Variants in DNM3 observed in about 807,000 individuals in gnomAD.
DNM3 encodes the protein dynamin-3.
DNM3 carries 47 observed loss-of-function variants against 101.6 expected under a neutral mutation model. The observed-to-expected ratio is 0.46, with a 90% CI of 0.37 to 0.59. The LOEUF (loss-of-function observed/expected upper bound fraction) is 0.59. Ranked by LOEUF, DNM3 falls within the 20% of genes least tolerant of loss-of-function variation. The probability of loss-of-function intolerance (pLI) is 0.00; values close to 1 mark genes in which losing one functional copy is unlikely to be tolerated. For synonymous variants in DNM3, 385 were observed against 387.9 expected, an observed-to-expected ratio of 0.99 and a Z score of 0.09; for missense variants, 849 against 1,085.7, an observed-to-expected ratio of 0.78 and a Z score of 3.06.
chr1:172,340,011 A>G (rs1441860019), intron 17 of DNM3, among the ~76,000 whole-genome samples: 1 of 152,178 alleles, frequency 6.6e-6, no homozygotes, highest in Non-Finnish European at 1.5e-5. Flanking sequence ...ATCCAGTGCC[A>G]TCAAGAAGCT....
chr1:171,932,404 C>T (rs147847465), intron 2 of DNM3, among the ~76,000 whole-genome samples: 2 of 152,006 alleles, frequency 1.3e-5, no homozygotes, highest in Non-Finnish European at 2.9e-5. Context: ...AACAATTTAC[C>T]TGCCTTGGCT....
At chr1:172,390,096 A>C (rs1421143566) in intron 20 of DNM3, among the ~76,000 whole-genome samples, 2 of 152,214 alleles carry the variant, frequency 1.3e-5, no homozygotes, top group African/African-American at 2.4e-5. Context: ...GGTCCTAAGC[A>C]AAGAGGATAT....
chr1:172,265,249 T>TG (rs1172407095), intron 15 of DNM3, among the ~76,000 whole-genome samples: 1 of 127,360 alleles, frequency 7.9e-6, no homozygotes, highest in African/African-American at 3.8e-5. Context: ...TTTAACATCC[T>TG]TTAAAAAAAA....
At chr1:172,315,328 G>C (rs189301897) in intron 16 of DNM3, among the ~76,000 whole-genome samples, 76 of 152,314 alleles carry the variant, frequency 5.0e-4, no homozygotes, top group African/African-American at 1.7e-3. Context: ...CTAAAAAGCA[G>C]AGTGCCTCTC....
chr1:172,252,918 T>G (rs1039346973), intron 14 of DNM3, among the ~76,000 whole-genome samples: 1 of 152,170 alleles, frequency 6.6e-6, no homozygotes, highest in African/African-American at 2.4e-5. Context: ...TTCTAATGAA[T>G]TTTTCCCCAA....
chr1:172,284,105 A>AGAC (rs1389949497), intron 15 of DNM3, among the ~76,000 whole-genome samples: 1 of 152,206 alleles, frequency 6.6e-6, no homozygotes, highest in Non-Finnish European at 1.5e-5. Flanking sequence ...TGGAAGGCAA[A>AGAC]GACACCTCCA....
intron 14 of DNM3, among the ~76,000 whole-genome samples, chr1:172,167,475 G>C (rs547616308): frequency 2.6e-5 from 4 of 152,036 alleles, no homozygotes; most frequent in African/African-American, 9.7e-5. Context: ...TCTAGTTCTA[G>C]ATCCTTGAGG....
At chr1:171,963,181 C>T (rs2043330986) in intron 2 of DNM3, among the ~76,000 whole-genome samples, 1 of 151,868 alleles carries the variant, frequency 6.6e-6, no homozygotes, top group Admixed American at 6.6e-5. Context: ...TATGGTATAC[C>T]CGGACAATGG....
chr1:172,071,696 A>C (rs981901468), intron 11 of DNM3, among the ~76,000 whole-genome samples: 1 of 152,206 alleles, frequency 6.6e-6, no homozygotes, highest in African/African-American at 2.4e-5. Flanking sequence ...TTTCTTAAAC[A>C]AAGGTTTTTT....
chr1:172,097,821 CAG>C (rs1312065130), intron 13 of DNM3, among the ~76,000 whole-genome samples: 1 of 152,090 alleles, frequency 6.6e-6, no homozygotes, highest in Non-Finnish European at 1.5e-5. Flanking sequence ...GAGTACAAAA[CAG>C]AGAAATTTTA....
intron 14 of DNM3, among the ~76,000 whole-genome samples, chr1:172,236,731 C>T (rs998946010): frequency 2.6e-5 from 4 of 152,060 alleles, no homozygotes; most frequent in Admixed American, 1.3e-4. Flanking sequence ...CATTGTTTAT[C>T]TCTCTTTGTG....
chr1:172,059,651 C>T (rs1287851928), intron 10 of DNM3, among the ~76,000 whole-genome samples: 3 of 90,822 alleles, frequency 3.3e-5, no homozygotes, highest in Non-Finnish European at 4.1e-5. Context: ...AACAACCCTT[C>T]ATGCTAAAAA....
intron 17 of DNM3, among the ~76,000 whole-genome samples, chr1:172,343,175 A>G (rs1444807276): frequency 6.6e-6 from 1 of 152,198 alleles, no homozygotes; most frequent in Admixed American, 6.5e-5. Context: ...TGGCTTTAAC[A>G]AAGCATTCTG....
chr1:171,926,140 G>T (rs1197541714), intron 2 of DNM3, among the ~76,000 whole-genome samples: 2 of 152,110 alleles, frequency 1.3e-5, no homozygotes, highest in Non-Finnish European at 2.9e-5. Flanking sequence ...TTTGAAGTTG[G>T]GTAATGTGAT....
chr1:172,296,940 C>T (rs1244182276), intron 15 of DNM3, among the ~76,000 whole-genome samples: 1 of 152,030 alleles, frequency 6.6e-6, no homozygotes, highest in Non-Finnish European at 1.5e-5. Flanking sequence ...GTCAGGAGTT[C>T]GAGACTAGCC....
intron 10 of DNM3, among the ~76,000 whole-genome samples, chr1:172,054,623 G>A (rs1558492509): frequency 6.6e-6 from 1 of 151,806 alleles, no homozygotes. Flanking sequence ...GAAAAAAAAA[G>A]TTTTGCAAGG....
At chr1:172,113,308 C>T (rs2055624070) in intron 13 of DNM3, among the ~76,000 whole-genome samples, 1 of 152,134 alleles carries the variant, frequency 6.6e-6, no homozygotes, top group Non-Finnish European at 1.5e-5. Flanking sequence ...TTAATTTTCA[C>T]CACAATTCTA....
intron 1 of DNM3, among the ~76,000 whole-genome samples, chr1:171,896,313 A>G (rs980877747): frequency 6.6e-6 from 1 of 151,958 alleles, no homozygotes; most frequent in East Asian, 1.9e-4. Flanking sequence ...CTTTTATTTC[A>G]TTGAGCAGTG....
chr1:172,418,405 C>G (rs2071505799), exon 21 of DNM3: 2 of 1,095,116 alleles, frequency 1.8e-6, no homozygotes, highest in Non-Finnish European at 2.3e-6. Flanking sequence ...GTCGTATGTA[C>G]ATAAAAACTT....
Sources: gnomAD v4.1 joint callset for allele counts (sites outside exome capture counted in the v4.1 genomes callset) on GRCh38, gnomAD v4.1.1 for gene constraint, MANE v1.5 for transcripts, NCBI Gene and HGNC (gene_info 2026-07-23, HGNC 2026-07-21) for gene names.